The following SLC24A4 variants were observed in gnomAD, a reference collection of about 807,000 sequenced individuals.
SLC24A4 encodes solute carrier family 24 member 4, also known as sodium/potassium/calcium exchanger 4.
SLC24A4 carries 53 observed loss-of-function variants against 79.0 expected under a neutral mutation model. The observed-to-expected ratio is 0.67, with a 90% CI of 0.54 to 0.84. The LOEUF (loss-of-function observed/expected upper bound fraction) is 0.84, where lower values mean the gene tolerates loss of function less well. Ranked by LOEUF, SLC24A4 falls within the 40% of genes least tolerant of loss-of-function variation. The pLI is 0.00. For synonymous variants in SLC24A4, 323 were observed against 323.8 expected (o/e 1.00, Z 0.03); for missense variants, 731 against 822.0 (o/e 0.89, Z 1.35).
intron 2 of SLC24A4, among the ~76,000 whole-genome samples, chr14:92,424,402 G>C (rs1891456117): frequency 6.6e-6 from 1 of 152,150 alleles, no homozygotes; most frequent in Non-Finnish European, 1.5e-5. Context: ...GGTTTCTTTA[G>C]CTAATGATTC....
chr14:92,400,899 T>G (rs1453769491), intron 2 of SLC24A4, among the ~76,000 whole-genome samples: 2 of 152,190 alleles, frequency 1.3e-5, no homozygotes, highest in Non-Finnish European at 2.9e-5. Context: ...AACAAGCATG[T>G]TTGAAGAGTT....
intron 2 of SLC24A4, among the ~76,000 whole-genome samples, chr14:92,387,699 G>A (rs2141726692): frequency 6.6e-6 from 1 of 152,340 alleles, no homozygotes; most frequent in Non-Finnish European, 1.5e-5. Context: ...GTACCCATGA[G>A]CACTAACTCC....
intron 2 of SLC24A4, among the ~76,000 whole-genome samples, chr14:92,377,874 G>A (rs139280278): frequency 1.7e-3 from 253 of 152,174 alleles, no homozygotes; most frequent in Non-Finnish European, 3.0e-3. Context: ...CTGAATGAAG[G>A]TGAGGAAGAA....
rs75215137 is a variant in SLC24A4, at chr14:92,353,514, T to C, written c.241+27536T>C. Among the ~76,000 whole-genome samples, 19,404 of 152,206 alleles carry C rather than the reference T, an allele frequency of 0.13. 1,306 individuals carry two copies. The highest frequency in any genetic ancestry group is 0.15 in the Admixed American group (2,240 of 15,282). ...CAAGTCTGTACCCATTGGCAGCCTTTGTCCCACCAGACATGGATGAGAGGG... is the reference window on the plus strand; with the variant it reads ...CAAGTCTGTACCCATTGGCAGCCTTCGTCCCACCAGACATGGATGAGAGGG... On this transcript the variant is annotated intron_variant, in intron 2 of 16. Coordinates refer to ENST00000532405, the MANE Select transcript of SLC24A4 (RefSeq NM_153646.4). The surrounding 1 kb of genome is among the most constrained non-coding windows in gnomAD (Gnocchi z 4.1).
intron 2 of SLC24A4, among the ~76,000 whole-genome samples, chr14:92,370,215 G>A (rs1888075749): frequency 6.6e-6 from 1 of 152,144 alleles, no homozygotes; most frequent in Non-Finnish European, 1.5e-5. Flanking sequence ...CCCAAAAAAG[G>A]ATTGAGATAA....
At chr14:92,371,958 G>A (rs1888191789) in intron 2 of SLC24A4, among the ~76,000 whole-genome samples, 1 of 116,254 alleles carries the variant, frequency 8.6e-6, no homozygotes, top group African/African-American at 2.6e-5. Context: ...CCTCTCTCTT[G>A]TCTGTGCCAT....
chr14:92,348,416 A>G (rs1182081817), intron 2 of SLC24A4, among the ~76,000 whole-genome samples: 1 of 152,234 alleles, frequency 6.6e-6, no homozygotes, highest in Non-Finnish European at 1.5e-5. Context: ...TACAGTTTCT[A>G]TAGCAACTGC....
At chr14:92,383,145 C>A (rs534391009) in intron 2 of SLC24A4, among the ~76,000 whole-genome samples, 1 of 152,198 alleles carries the variant, frequency 6.6e-6, no homozygotes, top group Non-Finnish European at 1.5e-5. Flanking sequence ...AGAGCAGATG[C>A]GTTCTTCTCA....
At chr14:92,449,239 G>A (rs1595299870) in intron 10 of SLC24A4, 23 bp downstream of exon 10, 1 of 1,612,168 alleles carries the variant, frequency 6.2e-7, no homozygotes, top group Non-Finnish European at 8.5e-7. Flanking sequence ...AGACAGGAGT[G>A]GGCAGAAATG....
intron 4 of SLC24A4, among the ~76,000 whole-genome samples, chr14:92,440,617 G>A (rs1892438694): frequency 6.6e-6 from 1 of 152,018 alleles, no homozygotes; most frequent in South Asian, 2.1e-4. Flanking sequence ...ACATACAGTG[G>A]AGGTGCATGC....
chr14:92,374,655 T>C (rs1171705251), intron 2 of SLC24A4, among the ~76,000 whole-genome samples: 4 of 152,204 alleles, frequency 2.6e-5, no homozygotes, highest in African/African-American at 7.2e-5. Flanking sequence ...TCTTGCTGCA[T>C]TTTCTCATGA....
chr14:92,367,823 A>C (rs1415225095), intron 2 of SLC24A4, among the ~76,000 whole-genome samples: 1 of 152,246 alleles, frequency 6.6e-6, no homozygotes, highest in East Asian at 1.9e-4. Flanking sequence ...ACATCACAGC[A>C]TGGAGGGCAT....
intron 2 of SLC24A4, among the ~76,000 whole-genome samples, chr14:92,332,929 A>G (rs1423818571): frequency 6.6e-6 from 1 of 152,176 alleles, no homozygotes; most frequent in African/African-American, 2.4e-5. Flanking sequence ...AATTTAATTC[A>G]TCTTTGAAGA....
chr14:92,376,236 G>A (rs949174324), intron 2 of SLC24A4, among the ~76,000 whole-genome samples: 2 of 152,200 alleles, frequency 1.3e-5, no homozygotes, highest in Non-Finnish European at 2.9e-5. Context: ...CTCAAATGGA[G>A]CTGCCGATAG....
At chr14:92,470,389 C>T (rs1448343209) in intron 12 of SLC24A4, among the ~76,000 whole-genome samples, 1 of 152,180 alleles carries the variant, frequency 6.6e-6, no homozygotes, top group Non-Finnish European at 1.5e-5. Context: ...CACAGGTTAA[C>T]CACTCCCTTA....
chr14:92,436,728 T>C (rs1892196221), intron 3 of SLC24A4, among the ~76,000 whole-genome samples: 1 of 152,184 alleles, frequency 6.6e-6, no homozygotes, highest in Admixed American at 6.5e-5. Flanking sequence ...CGGGGCGCCA[T>C]CTTGGCTCAT....
chr14:92,434,800 G>A (rs1396098188), intron 3 of SLC24A4, among the ~76,000 whole-genome samples: 3 of 152,186 alleles, frequency 2.0e-5, no homozygotes, highest in Non-Finnish European at 4.4e-5. Context: ...TTGAGATGGA[G>A]TCTCGCTCTG....
intron 2 of SLC24A4, among the ~76,000 whole-genome samples, chr14:92,361,188 C>G (rs1161373039): frequency 6.6e-6 from 1 of 150,628 alleles, no homozygotes; most frequent in Admixed American, 6.6e-5. Context: ...TTTCTCATCT[C>G]GAGGATGTTG....
At chr14:92,419,394 C>G (rs936843513) in intron 2 of SLC24A4, among the ~76,000 whole-genome samples, 1 of 152,222 alleles carries the variant, frequency 6.6e-6, no homozygotes, top group Non-Finnish European at 1.5e-5. Flanking sequence ...AGGCACCATG[C>G]TGTAGCAGCT....
Sources: gnomAD v4.1 joint callset for allele counts (sites outside exome capture counted in the v4.1 genomes callset) on GRCh38, gnomAD v4.1.1 for gene constraint, Gnocchi (gnomAD v3.1) non-coding constraint, MANE v1.5 for transcripts, NCBI Gene and HGNC (gene_info 2026-07-23, HGNC 2026-07-21) for gene names.